Variants in GPR75 observed in about 807,000 individuals in gnomAD.
GPR75 encodes the protein G protein-coupled receptor 75.
Under a neutral mutation model 26.0 loss-of-function variants are expected in GPR75, and 27 were observed. The ratio of observed to expected loss-of-function variants is 1.04; its 90% CI spans 0.77 to 1.43. GPR75 has a LOEUF of 1.43. Ranked by LOEUF, GPR75 falls within the 40% of genes most tolerant of loss-of-function variation. GPR75 has a pLI of 0.00. For missense variants in GPR75, 699 were observed against 662.3 expected (o/e 1.06, Z -0.61); for synonymous variants, 285 against 256.3 (o/e 1.11, Z -1.07).
Position 53,854,445 on chromosome 2 carries a change from C to T in GPR75, c.312G>A (p.Val104=). ...CGVTAPMFTF[V]LFFSSASSIP... is the part of the protein sequence containing the mutation. ...TACTACTGGCTGAGCTGAAGAATAA[C>T]ACAAAGGTGAACATGGGGGCTGTCA... Residue 104 remains valine, a synonymous_variant, in exon 2 of 2, where the codon GTG becomes GTA. Coordinates refer to ENST00000394705, the MANE Select transcript of GPR75 (RefSeq NM_006794.4). 2 of 1,614,016 alleles carry T rather than the reference C, an allele frequency of 1.2e-6. No homozygotes were observed. Among genetic ancestry groups the T allele is most frequent in the South Asian group, 2.2e-5 (2 of 91,078 alleles).
At chr2:53,855,124 T>C (rs6545372) in intron 1 of GPR75, among the ~76,000 whole-genome samples, 17,642 of 151,216 alleles carry the variant, frequency 0.12, 1,706 homozygotes, top group African/African-American at 0.27. Context: ...CCCAGCTCTC[T>C]CTCTCTCTTT....
intron 1 of GPR75, among the ~76,000 whole-genome samples, chr2:53,858,236 C>T (rs1269986255): frequency 6.6e-6 from 1 of 152,196 alleles, no homozygotes; most frequent in Non-Finnish European, 1.5e-5. Flanking sequence ...GGTTATTACA[C>T]ACCAGGCACC....
chr2:53,854,849 G>A lies in GPR75; in HGVS notation c.-93C>T, dbSNP rs368620295. 2.5e-5 allele frequency: 23 copies of A among 928,602 alleles called. 1 individual carries two copies. The highest frequency in any genetic ancestry group is 2.5e-4 in the African/African-American group (15 of 60,678). The allele number at this position is 928,602 out of a possible 1,614,324, so 57.5% of individuals were successfully genotyped here. ...AGATGAGCAATATGTGACAAAAGAG[G>A]CCCAAGACAGATAAGCCTACACACA... On this transcript the variant is annotated 5_prime_UTR_variant, in exon 2 of 2. Coordinates refer to ENST00000394705, the MANE Select transcript of GPR75 (RefSeq NM_006794.4).
Position 53,853,190 on chromosome 2 carries a change from AGTCATTAGTGGT to A in GPR75, c.1555_1566del (p.Thr519_Asp522del). The A allele has an allele frequency of 6.2e-7, 1 of 1,614,016 alleles. No homozygotes were observed. The highest frequency in any genetic ancestry group is 8.5e-7 in the Non-Finnish European group (1 of 1,179,868). Reference sequence around the variant, plus strand: ...GAAGTGCTGTCATATTCCTGCACTAAGTCATTAGTGGTGTGATAATGCATGGCAATATATGAA... The same window carrying A: ...GAAGTGCTGTCATATTCCTGCACTAAGTGATAATGCATGGCAATATATGAA... On this transcript the variant is annotated inframe_deletion, in exon 2 of 2. Transcript: ENST00000394705.
chr2:53,855,535 G>C (rs1015358623), intron 1 of GPR75, among the ~76,000 whole-genome samples: 1 of 152,092 alleles, frequency 6.6e-6, no homozygotes, highest in African/African-American at 2.4e-5. Context: ...AGCATGGAAG[G>C]GGGGAACCTA....
Position 53,854,739 on chromosome 2 carries a change from G to A in GPR75, c.18C>T (p.His6=), listed in dbSNP as rs1678182745. The A allele has an allele frequency of 6.2e-7, 1 of 1,611,962 alleles. No homozygotes were observed. The part of the protein sequence containing the change: MNSTG[H]LQDAPNATSL... ...AGGTGGCATTGGGGGCATCCTGAAG[G>A]TGGCCTGTTGAGTTCATTTTCGGAG... The change falls in exon 2 of 2, where the codon CAC becomes CAT. Residue 6 remains histidine (H), a synonymous_variant. Coordinates refer to ENST00000394705, the MANE Select transcript of GPR75 (RefSeq NM_006794.4).
At position 53,854,037 on chromosome 2, in the gene GPR75, A is replaced by AG; in HGVS notation, c.719dup (p.Val241CysfsTer33). On this transcript the variant is annotated frameshift_variant, in exon 2 of 2. Transcript: ENST00000394705. LOFTEE classifies it high-confidence loss of function. ...GTCTGGAAGCATCGACTGTGATTAC[A>AG]GGGGGGCACTTTCTGACTTGAGCGT... 3.1e-6 allele frequency: 5 copies of AG among 1,614,180 alleles called. No homozygotes were observed. Among genetic ancestry groups the AG allele is most frequent in the Non-Finnish European group, 3.4e-6 (4 of 1,180,016 alleles).
chr2:53,854,413 T>A lies in GPR75; in HGVS notation c.344A>T (p.Asp115Val), dbSNP rs149424777. 1.2e-6 allele frequency: 2 copies of A among 1,613,916 alleles called. No individual in the cohort carries two copies. The highest frequency in any genetic ancestry group is 1.3e-5 in the African/African-American group (1 of 74,890). Residue 115 changes from aspartate (D) to valine (V), a missense_variant, in exon 2 of 2, where the codon GAT (aspartate) becomes GTT (valine). By Grantham distance (152) the Asp-to-Val change is radical. Coordinates refer to ENST00000394705, the MANE Select transcript of GPR75 (RefSeq NM_006794.4). ...LFFSSASSIP[D>V]AFCFTFHLTS... ...GAGATGGAAAGTGAAGCAGAAAGCA[T>A]CCGGGATACTACTGGCTGAGCTGAA...
At position 53,854,543 on chromosome 2, in the gene GPR75, A is replaced by C. The variant is rs745602708; in HGVS notation, c.214T>G (p.Phe72Val). The C allele has an allele frequency of 2.5e-6, 4 of 1,614,060 alleles. No homozygotes were observed. The highest frequency in any genetic ancestry group is 3.4e-6 in the Non-Finnish European group (4 of 1,179,932). The change falls in exon 2 of 2, where the codon TTC (phenylalanine) becomes GTC (valine). Residue 72 changes from phenylalanine to valine, a missense_variant. Phe to Val is a conservative substitution (Grantham distance 50, BLOSUM62 -1). Coordinates refer to ENST00000394705, the MANE Select transcript of GPR75 (RefSeq NM_006794.4). The part of the protein sequence containing the change: ...IVFLSFFDPA[F>V]RKFRTNFDFM... ...TCAAAGTTGGTTCTGAATTTCCTGA[A>C]GGCTGGATCGAAGAAGGACAAGAAG...
chr2:53,853,911 G>A lies in GPR75; in HGVS notation c.846C>T (p.His282=), dbSNP rs200619395. ...YRNQNYNKLQ[H]VQTRGYTKSP... is the part of the protein sequence containing the mutation. The stretch of plus-strand genomic sequence containing the variant: ...TCTTGGTATATCCACGGGTCTGAAC[G>A]TGCTGCAGTTTGTTGTAATTCTGGT... Residue 282 remains histidine (H), a synonymous_variant, in exon 2 of 2, where the codon CAC becomes CAT. Transcript: ENST00000394705. The A allele has an allele frequency of 5.6e-6, 9 of 1,614,064 alleles. No homozygotes were observed. The highest frequency in any genetic ancestry group is 2.7e-5 in the African/African-American group (2 of 75,026).
intron 1 of GPR75, among the ~76,000 whole-genome samples, chr2:53,855,364 T>C (rs935641727): frequency 6.6e-6 from 1 of 152,244 alleles, no homozygotes; most frequent in Non-Finnish European, 1.5e-5. Context: ...CTTGTGATTC[T>C]GTTTGAGGGG....
Position 53,854,479 on chromosome 2 carries a change from A to G in GPR75, c.278T>C (p.Ile93Thr). ...ILNLSFCDLF[I>T]CGVTAPMFTF... The stretch of plus-strand genomic sequence containing the variant: ...GAACATGGGGGCTGTCACTCCACAA[A>G]TGAAGAGGTCACAGAAGGACAGGTT... The change falls in exon 2 of 2, where the codon ATT becomes ACT. Residue 93 changes from isoleucine (I) to threonine (T), a missense_variant. By Grantham distance (89) the Ile-to-Thr change is moderately conservative. Coordinates refer to ENST00000394705, the MANE Select transcript of GPR75 (RefSeq NM_006794.4). 2 of 1,614,176 alleles carry G rather than the reference A, an allele frequency of 1.2e-6. No homozygotes were observed. The highest frequency in any genetic ancestry group is 1.1e-5 in the South Asian group (1 of 91,082).
intron 1 of GPR75, among the ~76,000 whole-genome samples, chr2:53,856,946 ATTTTTTT>A (rs10665107): frequency 1.3e-4 from 10 of 78,958 alleles, no homozygotes; most frequent in Admixed American, 6.0e-4. Flanking sequence ...GAGAAAGACA[ATTTTTTT>A]TTTTTTTTTT....
chr2:53,853,059 A>C lies in GPR75; in HGVS notation c.*75T>G. On this transcript the variant is annotated 3_prime_UTR_variant, in exon 2 of 2. Transcript: ENST00000394705. Reference sequence around the variant, plus strand: ...TCTTGTAGGTTTTGATCCGCCACTGATCTCAAGTTAGAATAAAGTCCATTA... The same window carrying C: ...TCTTGTAGGTTTTGATCCGCCACTGCTCTCAAGTTAGAATAAAGTCCATTA... 9.0e-7 allele frequency: 1 copy of C among 1,106,162 alleles called. No homozygotes were observed. Among genetic ancestry groups the C allele is most frequent in the Non-Finnish European group, 1.3e-6 (1 of 764,486 alleles). 68.5% of individuals were successfully genotyped at this position (1,106,162 alleles called of 1,614,324 possible). A position where few individuals can be genotyped will look rare whatever the true frequency, so the allele number is the denominator to read the frequency against.
Position 53,854,179 on chromosome 2 carries a change from G to C in GPR75, c.578C>G (p.Ser193Cys). 1 of 1,614,144 alleles carries C rather than the reference G, an allele frequency of 6.2e-7. No individual in the cohort carries two copies. The highest frequency in any genetic ancestry group is 1.3e-5 in the African/African-American group (1 of 75,028). Residue 193 changes from serine (S) to cysteine (C), a missense_variant, in exon 2 of 2, where the codon TCC becomes TGC. Coordinates refer to ENST00000394705, the MANE Select transcript of GPR75 (RefSeq NM_006794.4). ...TTTCCCTTTTCCAGCAATCAGACTGGACATGGGAAGACAGAGGTGGGACTT... is the reference window on the plus strand; with the variant it reads ...TTTCCCTTTTCCAGCAATCAGACTGCACATGGGAAGACAGAGGTGGGACTT... ...TSKSHLCLPM[S>C]SLIAGKGKAI...
At chr2:53,858,642 A>G (rs1678296746) in intron 1 of GPR75, among the ~76,000 whole-genome samples, 1 of 152,230 alleles carries the variant, frequency 6.6e-6, no homozygotes, top group Admixed American at 6.5e-5. Context: ...CTCAGGTCTT[A>G]GTAGTAACTC....
At chr2:53,855,432 C>T (rs996425995) in intron 1 of GPR75, among the ~76,000 whole-genome samples, 16 of 152,080 alleles carry the variant, frequency 1.1e-4, no homozygotes, top group East Asian at 1.9e-4. Context: ...TACACAAGAA[C>T]GTAATCTCTC....
In GPR75 at chr2:53,859,884, C is replaced by T; in HGVS notation, c.-166G>A. The T allele has an allele frequency of 1.3e-6, 2 of 1,531,742 alleles. No homozygotes were observed. Among genetic ancestry groups the T allele is most frequent in the Non-Finnish European group, 8.7e-7 (1 of 1,144,108 alleles). The allele number at this position is 1,531,742 out of a possible 1,614,324, so 94.9% of individuals were successfully genotyped here. A position where few individuals can be genotyped will look rare whatever the true frequency, so the allele number is the denominator to read the frequency against. On this transcript the variant is annotated 5_prime_UTR_variant, in exon 1 of 2. Transcript: ENST00000394705. Reference sequence around the variant, plus strand: ...CATCTCGCAGTCCGGACCCCAGCTCCGCCTGCCGCTCTGGATGATGCAGGA... The same window carrying T: ...CATCTCGCAGTCCGGACCCCAGCTCTGCCTGCCGCTCTGGATGATGCAGGA...
At chr2:53,856,850 G>T (rs1295532235) in intron 1 of GPR75, among the ~76,000 whole-genome samples, 1 of 148,810 alleles carries the variant, frequency 6.7e-6, no homozygotes, top group African/African-American at 2.5e-5. Flanking sequence ...TTGATGGTTA[G>T]AATTTTTTAA....
Sources: gnomAD v4.1 joint callset for allele counts (sites outside exome capture counted in the v4.1 genomes callset) on GRCh38, gnomAD v4.1.1 for gene constraint, MANE v1.5 for transcripts, NCBI Gene and HGNC (gene_info 2026-07-23, HGNC 2026-07-21) for gene names.